SNX5: variants seen among roughly 807,000 people sequenced by gnomAD.
SNX5 encodes sorting nexin-5.
SNX5 carries 31 observed loss-of-function variants against 53.9 expected under a neutral mutation model. The ratio of observed to expected loss-of-function variants is 0.58; its 90% CI spans 0.43 to 0.78. The LOEUF is 0.78. Among genes scored for constraint, SNX5 ranks in the 30% least tolerant of loss-of-function variants. The pLI, the probability that SNX5 is intolerant of heterozygous loss-of-function variation, is 0.00. For synonymous variants in SNX5, 168 were observed against 171.1 expected (o/e 0.98, Z 0.14); for missense variants, 471 against 478.8 (o/e 0.98, Z 0.15).
chr20:17,966,849 C>T (rs1310289800), intron 1 of SNX5, among the ~76,000 whole-genome samples: 1 of 152,170 alleles, frequency 6.6e-6, no homozygotes, highest in Non-Finnish European at 1.5e-5. Context: ...TTTCAGTTAA[C>T]CATAACACCA....
intron 11 of SNX5, among the ~76,000 whole-genome samples, chr20:17,946,097 T>C (rs2039484592): frequency 6.6e-6 from 1 of 152,160 alleles, no homozygotes. Flanking sequence ...CATATTATAC[T>C]CATGTTCAAT....
At position 17,942,216 on chromosome 20, in the gene SNX5, AG is replaced by A. The variant is rs2039426754; in HGVS notation, c.*140del. 5 of 628,466 alleles carry A rather than the reference AG, an allele frequency of 8.0e-6. No individual in the cohort carries two copies. The highest frequency in any genetic ancestry group is 1.4e-5 in the Non-Finnish European group (5 of 353,678). The allele number at this position is 628,466 out of a possible 1,614,324, so 38.9% of individuals were successfully genotyped here. A position where few individuals can be genotyped will look rare whatever the true frequency, so the allele number is the denominator to read the frequency against. On this transcript the variant is annotated 3_prime_UTR_variant, in exon 13 of 13. Coordinates refer to ENST00000377759, the MANE Select transcript of SNX5 (RefSeq NM_014426.4). ...TTTAAACCAACATGGTTAAATGTTAAGATTTGTAGAAATCAAAATATTTATT... is the reference window on the plus strand; with the variant it reads ...TTTAAACCAACATGGTTAAATGTTAAATTTGTAGAAATCAAAATATTTATT...
Position 17,954,094 on chromosome 20 carries a change from G to A in SNX5, c.291C>T (p.Pro97=), listed in dbSNP as rs375257051. The A allele has an allele frequency of 3.8e-5, 62 of 1,613,602 alleles. No homozygotes were observed. The highest frequency in any genetic ancestry group is 1.6e-4 in the Middle Eastern group (1 of 6,078). Residue 97 remains proline, a synonymous_variant, in exon 4 of 13, where the codon CCC becomes CCT. Transcript: ENST00000377759. ...TCTTCTCTCGAGGACCATCAAAGTC[G>A]GGCTTCGTAGGAGCAGGTGGAATCT... The part of the protein sequence containing the change: ...GLIIPPAPTK[P]DFDGPREKMQ...
At position 17,968,653 on chromosome 20, in the gene SNX5, G is replaced by A. The variant is rs1266388713; in HGVS notation, c.-228C>T. 5 of 607,142 alleles carry A rather than the reference G, an allele frequency of 8.2e-6. No homozygotes were observed. The highest frequency in any genetic ancestry group is 7.8e-5 in the African/African-American group (4 of 51,450). 37.6% of individuals were successfully genotyped at this position (607,142 alleles called of 1,614,324 possible). Reference sequence around the variant, plus strand: ...CCCCCAGAGCAGCCTCCCAGTCCCCGCTGCCGTCCATCTTGGAGCCGGGCA... The same window carrying A: ...CCCCCAGAGCAGCCTCCCAGTCCCCACTGCCGTCCATCTTGGAGCCGGGCA... On this transcript the variant is annotated 5_prime_UTR_variant, in exon 1 of 13. Transcript: ENST00000377759.
At chr20:17,963,775 C>T (rs2035494691) in intron 1 of SNX5, among the ~76,000 whole-genome samples, 1 of 152,182 alleles carries the variant, frequency 6.6e-6, no homozygotes, top group Non-Finnish European at 1.5e-5. Context: ...TGACAATTTA[C>T]CTTTACCAAG....
At chr20:17,949,163 AC>A in intron 8 of SNX5, 60 bp from the exon 9 acceptor site, 1 of 1,430,864 alleles carries the variant, frequency 7.0e-7, no homozygotes, top group Non-Finnish European at 9.8e-7. Context: ...ACATGATCTT[AC>A]CAGTGTGCAA....
intron 11 of SNX5, 95 bp downstream of exon 11, chr20:17,947,391 G>GTGCT: frequency 7.4e-7 from 1 of 1,345,488 alleles, no homozygotes; most frequent in Non-Finnish European, 1.0e-6. Context: ...ACTGGGTGAA[G>GTGCT]GATACATGGG....
intron 2 of SNX5, among the ~76,000 whole-genome samples, chr20:17,955,917 T>C (rs2035344908): frequency 2.0e-5 from 3 of 152,184 alleles, no homozygotes; most frequent in African/African-American, 7.2e-5. Flanking sequence ...CACCTCAGCC[T>C]CCTGAGTAGC....
intron 11 of SNX5, chr20:17,947,093 A>T (rs1010796666): frequency 6.1e-6 from 1 of 164,658 alleles, no homozygotes; most frequent in Non-Finnish European, 1.3e-5. Flanking sequence ...ATGCAATCCT[A>T]GACTGGATCT....
intron 11 of SNX5, chr20:17,944,933 G>T (rs8125181): frequency 6.6e-6 from 1 of 152,130 alleles, no homozygotes; most frequent in Admixed American, 6.5e-5. Context: ...ATGCATGTCC[G>T]CCCTAATTCC....
chr20:17,956,317 T>A (rs2122389534), intron 2 of SNX5, among the ~76,000 whole-genome samples: 1 of 152,338 alleles, frequency 6.6e-6, no homozygotes, highest in East Asian at 1.9e-4. Context: ...AAGTGTGCTA[T>A]TCAAGCCGCC....
At chr20:17,953,827 T>C (rs542751505) in intron 4 of SNX5, among the ~76,000 whole-genome samples, 169 bp downstream of exon 4, 1 of 152,190 alleles carries the variant, frequency 6.6e-6, no homozygotes, top group Non-Finnish European at 1.5e-5. Flanking sequence ...ACAAAGACCA[T>C]GTCCCACACT....
At chr20:17,945,658 G>T (rs953394448) in intron 11 of SNX5, 4 of 151,804 alleles carry the variant, frequency 2.6e-5, no homozygotes, top group African/African-American at 9.7e-5. Flanking sequence ...CAGAAACAGG[G>T]TAGCATGAAG....
At position 17,949,105 on chromosome 20, in the gene SNX5, T is replaced by C; in HGVS notation, c.792-2A>G. 6.2e-7 allele frequency: 1 copy of C among 1,612,826 alleles called. No homozygotes were observed. The highest frequency in any genetic ancestry group is 1.3e-5 in the African/African-American group (1 of 74,988). ...AGCTCAGCAACCTTCAATAGGTACC[T>C]GGAAATGTACATATAATTTTGGTTT... On this transcript the variant is annotated splice_acceptor_variant, in intron 8 of 12. Transcript: ENST00000377759. LOFTEE classifies it high-confidence loss of function.
rs570099558 is a variant in SNX5, at chr20:17,967,970, G to A, written c.51+405C>T. The stretch of plus-strand genomic sequence containing the variant: ...AAGTCTTCTCAGTAAAAGGTGGGGG[G>A]AAGGAGGGTATTTTGGGGGCAACAA... On this transcript the variant is annotated intron_variant, in intron 1 of 12. Coordinates refer to ENST00000377759, the MANE Select transcript of SNX5 (RefSeq NM_014426.4). 9 of 397,848 alleles carry A rather than the reference G, an allele frequency of 2.3e-5. No homozygotes were observed. In the South Asian group the frequency reaches 1.3e-3, roughly 56 times the overall value. 24.6% of individuals were successfully genotyped at this position (397,848 alleles called of 1,614,324 possible).
chr20:17,948,873 A>G lies in SNX5; in HGVS notation c.918+17T>C. Reference sequence around the variant, plus strand: ...GGTCCTGCACTGCTCTGAGAAGCTGAGCAACTCTCTTCCTACCTTAGCAGC... The same window carrying G: ...GGTCCTGCACTGCTCTGAGAAGCTGGGCAACTCTCTTCCTACCTTAGCAGC... On this transcript the variant is annotated intron_variant, in intron 10 of 12. Transcript: ENST00000377759. 6.2e-7 allele frequency: 1 copy of G among 1,604,206 alleles called. No homozygotes were observed. The highest frequency in any genetic ancestry group is 8.5e-7 in the Non-Finnish European group (1 of 1,172,716).
intron 11 of SNX5, chr20:17,945,111 T>G (rs2039469792): frequency 6.6e-6 from 1 of 152,222 alleles, no homozygotes; most frequent in Non-Finnish European, 1.5e-5. Flanking sequence ...CACATCCAAG[T>G]TAAAAAGTCA....
intron 1 of SNX5, among the ~76,000 whole-genome samples, chr20:17,964,677 T>C (rs1360604991): frequency 1.3e-5 from 2 of 152,198 alleles, no homozygotes; most frequent in Non-Finnish European, 2.9e-5. Context: ...TTTCCTTAAA[T>C]ACTATTTAAC....
Position 17,953,440 on chromosome 20 carries a change from C to T in SNX5, c.389+556G>A, listed in dbSNP as rs534223154. ...TGCTGCCTGTAGACCTGGACTTCCTCTTTCAAATTATCTATGTGATGGTTA... is the reference window on the plus strand; with the variant it reads ...TGCTGCCTGTAGACCTGGACTTCCTTTTTCAAATTATCTATGTGATGGTTA... On this transcript the variant is annotated intron_variant, in intron 4 of 12. Transcript: ENST00000377759. Among the ~76,000 whole-genome samples, 227 of 152,374 alleles carry T rather than the reference C, an allele frequency of 1.5e-3. 1 individual carries two copies. Among genetic ancestry groups the T allele is most frequent in the Non-Finnish European group, 2.1e-3 (143 of 68,038 alleles).
Sources: allele counts gnomAD v4.1 joint callset (sites outside exome capture counted in the v4.1 genomes callset), GRCh38; gene constraint gnomAD v4.1.1; transcripts MANE v1.5; gene names NCBI Gene and HGNC (gene_info 2026-07-23, HGNC 2026-07-21).